SH3RF3: variants seen among roughly 807,000 people sequenced by gnomAD.
SH3RF3 encodes SH3 domain containing ring finger 3.
SH3RF3 carries 29 observed loss-of-function variants against 66.3 expected under a neutral mutation model. That is an observed-to-expected ratio of 0.44 (90% CI 0.33 to 0.60). The LOEUF (loss-of-function observed/expected upper bound fraction) is 0.60. SH3RF3 is among the 20% of genes least tolerant of loss of function. The probability of loss-of-function intolerance (pLI) is 0.04; values close to 1 mark genes in which losing one functional copy is unlikely to be tolerated. For missense variants in SH3RF3, 1,194 were observed against 1,190.9 expected (o/e 1.00, Z -0.04); for synonymous variants, 583 against 532.0 (o/e 1.10, Z -1.32).
At chr2:109,234,312 A>G (rs1401368451) in intron 1 of SH3RF3, among the ~76,000 whole-genome samples, 4 of 152,234 alleles carry the variant, frequency 2.6e-5, no homozygotes, top group Non-Finnish European at 5.9e-5. Flanking sequence ...GGAAAACTTT[A>G]GGTTAGATGA....
At chr2:109,238,807 G>A (rs1679713458) in intron 1 of SH3RF3, among the ~76,000 whole-genome samples, 1 of 152,096 alleles carries the variant, frequency 6.6e-6, no homozygotes, top group Admixed American at 6.5e-5. Context: ...ATGAAACCCG[G>A]CGAGGTGTGG....
intron 9 of SH3RF3, among the ~76,000 whole-genome samples, chr2:109,496,029 G>A (rs1275864919): frequency 6.6e-6 from 1 of 152,190 alleles, no homozygotes; most frequent in Non-Finnish European, 1.5e-5. Context: ...AAAGGACAAA[G>A]CTTCCACATG....
intron 1 of SH3RF3, among the ~76,000 whole-genome samples, chr2:109,207,155 T>C (rs1678860337): frequency 6.6e-6 from 1 of 152,154 alleles, no homozygotes; most frequent in African/African-American, 2.4e-5. Flanking sequence ...GAGGGTGCAA[T>C]GACGACACAG....
Position 109,168,129 on chromosome 2 carries a change from G to A in SH3RF3, c.573+38016G>A, listed in dbSNP as rs117610899. Among the ~76,000 whole-genome samples the A allele has an allele frequency of 5.3e-4, 80 of 152,276 alleles. No individual in the cohort carries two copies. The East Asian group carries it at 0.012, about 23-fold the overall frequency. ...TTTATGATGCGTTGAGTGCCTCCTTGTTAGGCTTAAATTGTGTGCTTTCAG... is the reference window on the plus strand; with the variant it reads ...TTTATGATGCGTTGAGTGCCTCCTTATTAGGCTTAAATTGTGTGCTTTCAG... On this transcript the variant is annotated intron_variant, in intron 1 of 9. Transcript: ENST00000309415.
chr2:109,411,686 C>T (rs565591148), intron 4 of SH3RF3, among the ~76,000 whole-genome samples: 41 of 152,294 alleles, frequency 2.7e-4, no homozygotes, highest in African/African-American at 8.9e-4. Flanking sequence ...TCGCACCCCT[C>T]GCCCTGGGTA....
At position 109,129,527 on chromosome 2, in the gene SH3RF3, C is replaced by T. The variant is rs1163814249; in HGVS notation, c.-14C>T. On this transcript the variant is annotated 5_prime_UTR_variant, in exon 1 of 10. Transcript: ENST00000309415. ...CCTAGGCAGCCGCGCGAGACCGCTG[C>T]GGGCGCCTCCCCCATGCTGCTCGGA... is the stretch of plus-strand genomic sequence containing the variant. The T allele has an allele frequency of 6.7e-6, 10 of 1,496,488 alleles. No homozygotes were observed. The highest frequency in any genetic ancestry group is 4.4e-4 in the Middle Eastern group (2 of 4,504). The allele number at this position is 1,496,488 out of a possible 1,614,324, so 92.7% of individuals were successfully genotyped here.
chr2:109,422,350 TCTCCAGGC>T (rs1676905039), intron 5 of SH3RF3, among the ~76,000 whole-genome samples: 1 of 152,092 alleles, frequency 6.6e-6, no homozygotes, highest in African/African-American at 2.4e-5. Flanking sequence ...AGCTTTGACC[TCTCCAGGC>T]CACATCATGT....
Position 109,449,246 on chromosome 2 carries a change from C to G in SH3RF3, c.1905C>G (p.Ser635=). Reference sequence around the variant, plus strand: ...CCCTGCGCACCCAGAACTCTCCATCCCGCCTGCCTGCCACCAGCCTCAGGC... The same window carrying G: ...CCCTGCGCACCCAGAACTCTCCATCGCGCCTGCCTGCCACCAGCCTCAGGC... ...VSPLRTQNSP[S]RLPATSLRPH... Residue 635 remains serine, a synonymous_variant, in exon 8 of 10, where the codon TCC becomes TCG. Transcript: ENST00000309415. 6.2e-7 allele frequency: 1 copy of G among 1,613,000 alleles called. No individual in the cohort carries two copies. Among genetic ancestry groups the G allele is most frequent in the Middle Eastern group, 1.7e-4 (1 of 6,060 alleles).
At chr2:109,313,310 G>T (rs1437424162) in intron 1 of SH3RF3, among the ~76,000 whole-genome samples, 5 of 152,234 alleles carry the variant, frequency 3.3e-5, no homozygotes, top group Non-Finnish European at 5.9e-5. Flanking sequence ...CCCAAGGGGG[G>T]AGGCTGGCAT....
intron 1 of SH3RF3, among the ~76,000 whole-genome samples, chr2:109,178,913 C>T (rs748796281): frequency 1.1e-4 from 16 of 152,004 alleles, no homozygotes; most frequent in Non-Finnish European, 2.2e-4. Context: ...TAGTTATGGA[C>T]CATCTTCCCT....
chr2:109,227,184 T>C (rs1341714033), intron 1 of SH3RF3, among the ~76,000 whole-genome samples: 1 of 152,100 alleles, frequency 6.6e-6, no homozygotes, highest in African/African-American at 2.4e-5. Context: ...ACTTAGGGTG[T>C]GTGTTTTCTC....
At chr2:109,276,421 G>A (rs1290587837) in intron 1 of SH3RF3, among the ~76,000 whole-genome samples, 3 of 152,200 alleles carry the variant, frequency 2.0e-5, no homozygotes, top group African/African-American at 4.8e-5. Flanking sequence ...GTCCAGGCCC[G>A]TCTGAAGGCT....
intron 1 of SH3RF3, among the ~76,000 whole-genome samples, chr2:109,321,970 C>T (rs902677865): frequency 2.0e-5 from 3 of 152,104 alleles, no homozygotes; most frequent in Non-Finnish European, 4.4e-5. Context: ...GATGATTGGT[C>T]CTCGTTATTC....
At chr2:109,249,905 C>T (rs1052860997) in intron 1 of SH3RF3, among the ~76,000 whole-genome samples, 22 of 151,056 alleles carry the variant, frequency 1.5e-4, no homozygotes, top group African/African-American at 1.2e-4. Flanking sequence ...AGGATGGTCT[C>T]GATCTCCTGA....
At chr2:109,234,554 T>C (rs1679598412) in intron 1 of SH3RF3, among the ~76,000 whole-genome samples, 1 of 152,258 alleles carries the variant, frequency 6.6e-6, no homozygotes, top group Non-Finnish European at 1.5e-5. Flanking sequence ...TAGGCTCTGT[T>C]GTGCTGCAGT....
chr2:109,470,891 G>C (rs1678485174), intron 8 of SH3RF3, among the ~76,000 whole-genome samples: 1 of 152,240 alleles, frequency 6.6e-6, no homozygotes, highest in Non-Finnish European at 1.5e-5. Context: ...GGCAGAGTCA[G>C]TGTATTAGTC....
intron 5 of SH3RF3, among the ~76,000 whole-genome samples, chr2:109,426,189 G>A (rs1025875921): frequency 4.6e-5 from 7 of 152,170 alleles, no homozygotes; most frequent in Non-Finnish European, 1.0e-4. Flanking sequence ...GATTACAATC[G>A]TGAGCCACTG....
chr2:109,183,500 G>T (rs1362570569), intron 1 of SH3RF3, among the ~76,000 whole-genome samples: 4 of 152,334 alleles, frequency 2.6e-5, no homozygotes, highest in Admixed American at 6.5e-5. Context: ...AGAGGTTTCA[G>T]TGGCCTTTTG....
At chr2:109,201,226 C>T (rs754715406) in intron 1 of SH3RF3, among the ~76,000 whole-genome samples, 1 of 152,250 alleles carries the variant, frequency 6.6e-6, no homozygotes, top group Non-Finnish European at 1.5e-5. Flanking sequence ...GCCTCTTCTG[C>T]ACTTAAAAAC....
Sources: gnomAD v4.1 joint callset for allele counts (sites outside exome capture counted in the v4.1 genomes callset) on GRCh38, gnomAD v4.1.1 for gene constraint, MANE v1.5 for transcripts, NCBI Gene and HGNC (gene_info 2026-07-23, HGNC 2026-07-21) for gene names.